The following ZFAND3 variants were observed in gnomAD, a reference collection of about 807,000 sequenced individuals.
The protein encoded by ZFAND3 is AN1-type zinc finger protein 3.
ZFAND3 carries 10 observed loss-of-function variants against 29.6 expected under a neutral mutation model. That is an observed-to-expected ratio of 0.34 (90% CI 0.21 to 0.57). ZFAND3 has a LOEUF of 0.57. Ranked by LOEUF, ZFAND3 falls within the 20% of genes least tolerant of loss-of-function variation. ZFAND3 has a pLI of 0.86. For missense variants in ZFAND3, 230 were observed against 304.5 expected (o/e 0.76, Z 1.82); for synonymous variants, 128 against 112.6 (o/e 1.14, Z -0.87).
At chr6:38,001,513 CA>C (rs1762947891) in intron 2 of ZFAND3, among the ~76,000 whole-genome samples, 1 of 152,188 alleles carries the variant, frequency 6.6e-6, no homozygotes, top group African/African-American at 2.4e-5. Context: ...AGCAGAGCAA[CA>C]TAAACTCTAT....
At chr6:37,937,664 A>G (rs1761724737) in intron 2 of ZFAND3, among the ~76,000 whole-genome samples, 1 of 151,456 alleles carries the variant, frequency 6.6e-6, no homozygotes, top group African/African-American at 2.4e-5. Context: ...AAAAAAAAAA[A>G]AAAAAAAAAG....
chr6:37,937,664 A>AG (rs1267092276), intron 2 of ZFAND3, among the ~76,000 whole-genome samples: 1 of 151,456 alleles, frequency 6.6e-6, no homozygotes, highest in Non-Finnish European at 1.5e-5. Context: ...AAAAAAAAAA[A>AG]AAAAAAAAAG....
intron 2 of ZFAND3, among the ~76,000 whole-genome samples, chr6:37,951,898 G>A (rs189527478): frequency 6.6e-6 from 1 of 152,174 alleles, no homozygotes. Flanking sequence ...TTTTTAACAC[G>A]AAGCGATGTT....
intron 2 of ZFAND3, among the ~76,000 whole-genome samples, chr6:37,951,583 ACT>A (rs1038527871): frequency 6.6e-6 from 1 of 151,960 alleles, no homozygotes; most frequent in Admixed American, 6.6e-5. Context: ...CGACAGGGAG[ACT>A]CTGTCTAAAA....
At chr6:38,048,925 A>G (rs1338664835) in intron 2 of ZFAND3, among the ~76,000 whole-genome samples, 2 of 152,180 alleles carry the variant, frequency 1.3e-5, no homozygotes, top group Non-Finnish European at 2.9e-5. Context: ...AAACTTTTAT[A>G]TAATAAGTTC....
At chr6:37,994,059 C>T (rs2127436657) in intron 2 of ZFAND3, among the ~76,000 whole-genome samples, 1 of 152,194 alleles carries the variant, frequency 6.6e-6, no homozygotes, top group Admixed American at 6.5e-5. Flanking sequence ...ACGATTTTTA[C>T]ATTTGCTTAC....
At chr6:38,069,200 A>C (rs1764405360) in intron 3 of ZFAND3, among the ~76,000 whole-genome samples, 1 of 152,224 alleles carries the variant, frequency 6.6e-6, no homozygotes, top group African/African-American at 2.4e-5. Flanking sequence ...CTACTTCAGG[A>C]GGCCAGATAT....
At chr6:37,940,854 A>C (rs1761799057) in intron 2 of ZFAND3, among the ~76,000 whole-genome samples, 1 of 152,246 alleles carries the variant, frequency 6.6e-6, no homozygotes, top group South Asian at 2.1e-4. Context: ...ACATAATCTT[A>C]AATGGAGAAT....
At chr6:37,925,838 G>A (rs539808653) in intron 1 of ZFAND3, among the ~76,000 whole-genome samples, 293 of 152,264 alleles carry the variant, frequency 1.9e-3, no homozygotes, top group Admixed American at 3.9e-3. Flanking sequence ...GAAATACTAA[G>A]TTTGAGTCAA....
chr6:38,124,441 G>A (rs1275130609), intron 5 of ZFAND3, among the ~76,000 whole-genome samples: 1 of 152,236 alleles, frequency 6.6e-6, no homozygotes, highest in Non-Finnish European at 1.5e-5. Flanking sequence ...CAGGCGGGGA[G>A]GCTCAGGCAT....
At chr6:38,055,737 T>C (rs1190784788) in intron 2 of ZFAND3, among the ~76,000 whole-genome samples, 3 of 152,196 alleles carry the variant, frequency 2.0e-5, no homozygotes, top group Non-Finnish European at 4.4e-5. Context: ...ATTATGAAAT[T>C]AGAAATTCAC....
intron 1 of ZFAND3, among the ~76,000 whole-genome samples, chr6:37,913,169 A>G (rs764524406): frequency 6.6e-6 from 1 of 152,170 alleles, no homozygotes; most frequent in African/African-American, 2.4e-5. Context: ...TAAGACAACA[A>G]TGAAGTTTGC....
At chr6:38,114,704 CA>C (rs1765384159) in intron 4 of ZFAND3, among the ~76,000 whole-genome samples, 1 of 152,068 alleles carries the variant, frequency 6.6e-6, no homozygotes, top group Admixed American at 6.5e-5. Flanking sequence ...GCATCTTCCT[CA>C]CACACAGGGA....
At chr6:37,951,418 C>T (rs1233878972) in intron 2 of ZFAND3, among the ~76,000 whole-genome samples, 1 of 151,972 alleles carries the variant, frequency 6.6e-6, no homozygotes, top group Admixed American at 6.6e-5. Flanking sequence ...TGGTGAAACC[C>T]CGTCTCTACT....
intron 4 of ZFAND3, among the ~76,000 whole-genome samples, chr6:38,111,825 G>GTC (rs1313986893): frequency 2.6e-5 from 4 of 152,128 alleles, no homozygotes; most frequent in Non-Finnish European, 5.9e-5. Context: ...TGTAACAGGG[G>GTC]TCAGCGCCCC....
intron 1 of ZFAND3, among the ~76,000 whole-genome samples, chr6:37,850,870 G>A (rs1195080787): frequency 6.6e-6 from 1 of 152,064 alleles, no homozygotes; most frequent in Non-Finnish European, 1.5e-5. Context: ...GAGTAGCTGG[G>A]ATTACAGGTG....
rs184217107 is a variant in ZFAND3 at position 38,099,509 on chromosome 6, C to T, written c.361+17052C>T. Reference sequence around the variant, plus strand: ...AGAAAGCCATTCCCAAATAGCAGAACCACAACTCAGAATTTTAAATAAACT... The same window carrying T: ...AGAAAGCCATTCCCAAATAGCAGAATCACAACTCAGAATTTTAAATAAACT... On this transcript the variant is annotated intron_variant, in intron 4 of 5. Coordinates refer to ENST00000287218, the MANE Select transcript of ZFAND3 (RefSeq NM_021943.3). Among the ~76,000 whole-genome samples the T allele has an allele frequency of 4.0e-3, 606 of 152,280 alleles. 11 individuals are homozygous for T. The highest frequency in any genetic ancestry group is 1.8e-3 in the Non-Finnish European group (122 of 68,030).
intron 1 of ZFAND3, among the ~76,000 whole-genome samples, chr6:37,874,852 G>A (rs115832297): frequency 0.062 from 9,391 of 152,222 alleles, 380 homozygotes; most frequent in Non-Finnish European, 0.094. Context: ...TGGTATTACA[G>A]GTGTGAGCTA....
At chr6:38,021,656 G>C (rs1763354371) in intron 2 of ZFAND3, among the ~76,000 whole-genome samples, 1 of 152,164 alleles carries the variant, frequency 6.6e-6, no homozygotes, top group Admixed American at 6.5e-5. Context: ...GAAGATATAT[G>C]GGTGAAAATT....
Sources: allele counts gnomAD v4.1 joint callset (sites outside exome capture counted in the v4.1 genomes callset), GRCh38; gene constraint gnomAD v4.1.1; transcripts MANE v1.5; gene names NCBI Gene and HGNC (gene_info 2026-07-23, HGNC 2026-07-21).